Variants in NRXN3 observed in about 807,000 individuals in gnomAD.
The protein encoded by NRXN3 is neurexin III.
A neutral mutation model predicts 137.6 loss-of-function variants in NRXN3; 32 were observed. The ratio of observed to expected loss-of-function variants is 0.23; its 90% confidence interval spans 0.18 to 0.31. NRXN3 has a LOEUF of 0.31. Among genes scored for constraint, NRXN3 ranks in the 10% least tolerant of loss-of-function variants. The pLI is 1.00. For synonymous variants in NRXN3, 798 were observed against 784.5 expected, an observed-to-expected ratio of 1.02 and a Z score of -0.29; for missense variants, 1,574 against 2,062.5, an observed-to-expected ratio of 0.76 and a Z score of 4.59.
intron 4 of NRXN3, among the ~76,000 whole-genome samples, chr14:78,641,150 G>T (rs2097624517): frequency 6.6e-6 from 1 of 152,178 alleles, no homozygotes; most frequent in Non-Finnish European, 1.5e-5. Flanking sequence ...GGTTAGAAAT[G>T]CATGTTTGTC....
At chr14:79,247,825 T>G (rs766813292) in intron 15 of NRXN3, among the ~76,000 whole-genome samples, 21 of 151,972 alleles carry the variant, frequency 1.4e-4, no homozygotes, top group Non-Finnish European at 2.2e-4. Context: ...AACCCAGGAG[T>G]TTTTCCACCT....
At chr14:79,760,433 T>C (rs1285338842) in intron 19 of NRXN3, among the ~76,000 whole-genome samples, 1 of 150,986 alleles carries the variant, frequency 6.6e-6, no homozygotes, top group East Asian at 1.9e-4. Flanking sequence ...TTTTTTTTTT[T>C]TTTAAGCCTC....
At chr14:79,729,741 G>T (rs1004920856) in intron 19 of NRXN3, among the ~76,000 whole-genome samples, 1 of 152,174 alleles carries the variant, frequency 6.6e-6, no homozygotes, top group Non-Finnish European at 1.5e-5. Context: ...ACAGTGATGG[G>T]CTCTGTGCTG....
intron 14 of NRXN3, among the ~76,000 whole-genome samples, chr14:78,979,738 C>T (rs1433861249): frequency 6.6e-6 from 1 of 152,110 alleles, no homozygotes; most frequent in African/African-American, 2.4e-5. Flanking sequence ...CTGGGCAGGC[C>T]TCACAATCAT....
chr14:79,107,689 G>GAA (rs2052696622), intron 15 of NRXN3, among the ~76,000 whole-genome samples: 1 of 152,066 alleles, frequency 6.6e-6, no homozygotes, highest in African/African-American at 2.4e-5. Context: ...GTGGTTCTTG[G>GAA]ATAGGGAGGT....
At chr14:79,284,357 T>C (rs535292364) in intron 15 of NRXN3, among the ~76,000 whole-genome samples, 4 of 113,196 alleles carry the variant, frequency 3.5e-5, no homozygotes, top group African/African-American at 1.2e-4. Flanking sequence ...TATATATATA[T>C]ATATATATAT....
intron 15 of NRXN3, chr14:79,279,817 A>G (rs2080955289): frequency 9.1e-6 from 9 of 991,686 alleles, no homozygotes; most frequent in Non-Finnish European, 1.1e-5. Flanking sequence ...GAAAATAAAA[A>G]TGTTCAAACT....
intron 20 of NRXN3, among the ~76,000 whole-genome samples, chr14:79,819,748 G>T (rs537659574): frequency 1.3e-5 from 2 of 151,958 alleles, no homozygotes; most frequent in African/African-American, 2.4e-5. Flanking sequence ...CTCCCAAAGT[G>T]CTGGGATTAC....
At position 79,861,734 on chromosome 14, in the gene NRXN3, A is replaced by T; in HGVS notation, c.4486A>T (p.Thr1496Ser). The part of the protein sequence containing the change: ...SEVIRESSST[T>S]GMVVGIVAAA... ...GGTGATCCGGGAGTCGAGCAGCACA[A>T]CAGGGATGGTCGTCGGCATTGTGGC... The change falls in exon 21 of 21, where the codon ACA (threonine) becomes TCA (serine). Residue 1496 changes from threonine (T) to serine (S), a missense_variant. This residue lies in a region of NRXN3 where 320 missense variants were observed against 387.1 expected (regional missense o/e 0.83). Coordinates refer to ENST00000335750, the MANE Select transcript of NRXN3 (RefSeq NM_001330195.2). The surrounding 1 kb of genome is among the most constrained non-coding windows in gnomAD (Gnocchi z 5.4). 1.2e-6 allele frequency: 2 copies of T among 1,614,106 alleles called. No homozygotes were observed. The highest frequency in any genetic ancestry group is 2.2e-5 in the South Asian group (2 of 91,082).
At chr14:78,226,107 G>A (rs1391047087) in intron 1 of NRXN3, among the ~76,000 whole-genome samples, 2 of 151,956 alleles carry the variant, frequency 1.3e-5, no homozygotes, top group Non-Finnish European at 2.9e-5. Context: ...GGGTTCAAGC[G>A]ATTCTCCTGC....
At chr14:78,640,552 G>A (rs78145876) in intron 4 of NRXN3, among the ~76,000 whole-genome samples, 1 of 152,156 alleles carries the variant, frequency 6.6e-6, no homozygotes, top group Non-Finnish European at 1.5e-5. Context: ...GAGAAATAGA[G>A]TGATTATTAT....
At chr14:78,792,498 A>T (rs777500323) in intron 8 of NRXN3, among the ~76,000 whole-genome samples, 105 of 152,292 alleles carry the variant, frequency 6.9e-4, no homozygotes, top group Non-Finnish European at 1.2e-3. Context: ...TGAAAGAGAA[A>T]ACCTAAGTAC....
intron 4 of NRXN3, among the ~76,000 whole-genome samples, chr14:78,607,997 A>G (rs61976090): frequency 0.05 from 7,668 of 152,288 alleles, 258 homozygotes; most frequent in Middle Eastern, 0.15. Flanking sequence ...GATGTGAGAA[A>G]ATTCTAAGTT....
At chr14:78,181,710 T>C (rs1401914728) in intron 1 of NRXN3, among the ~76,000 whole-genome samples, 1 of 152,198 alleles carries the variant, frequency 6.6e-6, no homozygotes. Flanking sequence ...GCAACCATCC[T>C]GAGTCTTCCC....
chr14:78,258,693 GA>G (rs2070124071), intron 2 of NRXN3, among the ~76,000 whole-genome samples: 1 of 152,180 alleles, frequency 6.6e-6, no homozygotes, highest in Admixed American at 6.5e-5. Context: ...GTGAATAAAT[GA>G]AAGAGTGTAC....
intron 10 of NRXN3, among the ~76,000 whole-genome samples, chr14:78,942,168 T>A (rs2099354372): frequency 6.6e-6 from 1 of 151,964 alleles, no homozygotes; most frequent in African/African-American, 2.4e-5. Flanking sequence ...GACCACAGAG[T>A]TCTTCCCTTC....
At chr14:79,037,059 CACCTGG>C (rs912268994) in intron 15 of NRXN3, among the ~76,000 whole-genome samples, 12 of 152,126 alleles carry the variant, frequency 7.9e-5, no homozygotes, top group Non-Finnish European at 1.6e-4. Flanking sequence ...GTTTATAATT[CACCTGG>C]GTTAAAAATA....
At chr14:79,189,652 G>T (rs1265149216) in intron 15 of NRXN3, among the ~76,000 whole-genome samples, 1 of 152,086 alleles carries the variant, frequency 6.6e-6, no homozygotes, top group Non-Finnish European at 1.5e-5. Context: ...GCTTTTGTAG[G>T]GACTTTTTCC....
chr14:79,753,218 G>A (rs1217976754), intron 19 of NRXN3, among the ~76,000 whole-genome samples: 1 of 151,868 alleles, frequency 6.6e-6, no homozygotes. Flanking sequence ...TCCCATTACT[G>A]GGTATATACC....
Sources: gnomAD v4.1 joint callset for allele counts (sites outside exome capture counted in the v4.1 genomes callset) on GRCh38, gnomAD v4.1.1 for gene constraint, gnomAD v4.1.1 regional missense constraint, Gnocchi (gnomAD v3.1) non-coding constraint, MANE v1.5 for transcripts, NCBI Gene and HGNC (gene_info 2026-07-23, HGNC 2026-07-21) for gene names.